CEP43: variants seen among roughly 807,000 people sequenced by gnomAD.
The protein encoded by CEP43 is centrosomal protein 43, also known as FGFR1 oncogene partner.
A neutral mutation model predicts 52.6 loss-of-function variants in CEP43; 36 were observed. The observed-to-expected ratio is 0.68, with a 90% CI of 0.52 to 0.90. The LOEUF is 0.90. CEP43 is among the 40% of genes least tolerant of loss of function. The pLI, the probability that CEP43 is intolerant of heterozygous loss-of-function variation, is 0.00. For synonymous variants in CEP43, 192 were observed against 172.4 expected, an observed-to-expected ratio of 1.11 and a Z score of -0.89; for missense variants, 506 against 472.8, an observed-to-expected ratio of 1.07 and a Z score of -0.65.
intron 5 of CEP43, among the ~76,000 whole-genome samples, chr6:167,010,154 T>C (rs1312896476): frequency 2.0e-5 from 3 of 152,218 alleles, no homozygotes; most frequent in African/African-American, 7.2e-5. Flanking sequence ...CTAGAGCTTG[T>C]GCTGGTAGTG....
chr6:167,028,450 C>T, intron 10 of CEP43: 1 of 985,144 alleles, frequency 1.0e-6, no homozygotes, highest in Non-Finnish European at 1.2e-6. Context: ...GGATGTTTGT[C>T]ATTTAGCTAG....
At position 167,041,147 on chromosome 6, in the gene CEP43, C is replaced by G. The variant is rs1402835864; in HGVS notation, c.*1169C>G. 1 of 1,043,376 alleles carries G rather than the reference C, an allele frequency of 9.6e-7. No homozygotes were observed. The highest frequency in any genetic ancestry group is 1.2e-6 in the Non-Finnish European group (1 of 865,718). The allele number at this position is 1,043,376 out of a possible 1,614,324, so 64.6% of individuals were successfully genotyped here. On this transcript the variant is annotated 3_prime_UTR_variant, in exon 13 of 13. Transcript: ENST00000366847. ...AAGTTAACTTTATTAGTAAAAGGAG[C>G]AAATTAGACCTAATTCATTGATCTC...
In CEP43 at chr6:167,022,488, T is replaced by C. The variant is rs1187011169; in HGVS notation, c.659T>C (p.Leu220Pro). 6.2e-7 allele frequency: 1 copy of C among 1,614,050 alleles called. No individual in the cohort carries two copies. Among genetic ancestry groups the C allele is most frequent in the Non-Finnish European group, 8.5e-7 (1 of 1,180,038 alleles). ...EPKSKSSLHL[L>P]SHETKIGSFL... is the part of the protein sequence containing the mutation. ...AAGAGCAAAAGCAGCCTTCACTTAC[T>C]GTCCCATGAAACAAAAATTGGATCT... The change falls in exon 8 of 13, where the codon CTG (leucine) becomes CCG (proline). Residue 220 changes from leucine to proline, a missense_variant. Physicochemically the swap from Leu to Pro is moderately conservative, Grantham distance 98. Coordinates refer to ENST00000366847, the MANE Select transcript of CEP43 (RefSeq NM_007045.4).
chr6:166,999,542 G>A lies in CEP43; in HGVS notation c.102+28G>A, dbSNP rs573057439. The A allele has an allele frequency of 1.3e-4, 175 of 1,374,134 alleles. No homozygotes were observed. The African/African-American group carries it at 2.4e-3, about 19-fold the overall frequency. 85.1% of individuals were successfully genotyped at this position (1,374,134 alleles called of 1,614,324 possible). A position where few individuals can be genotyped will look rare whatever the true frequency, so the allele number is the denominator to read the frequency against. On this transcript the variant is annotated intron_variant, in intron 1 of 12. Coordinates refer to ENST00000366847, the MANE Select transcript of CEP43 (RefSeq NM_007045.4). ...GAGGCCGGAGGCTGGGGCCGGGCCTGGCGGATCCGCAGGGCTTGCGTGGAC... is the reference window on the plus strand; with the variant it reads ...GAGGCCGGAGGCTGGGGCCGGGCCTAGCGGATCCGCAGGGCTTGCGTGGAC...
At chr6:167,022,974 G>A (rs1422984658) in intron 8 of CEP43, among the ~76,000 whole-genome samples, 2 of 152,176 alleles carry the variant, frequency 1.3e-5, no homozygotes, top group Non-Finnish European at 2.9e-5. Context: ...ATGCTGCAGT[G>A]TGTGGGGTGA....
chr6:167,019,272 G>A lies in CEP43; in HGVS notation c.580-3137G>A, dbSNP rs112638512. 5.4e-3 allele frequency among the ~76,000 whole-genome samples: 794 copies of A among 146,702 alleles called. 13 individuals carry two copies. The highest frequency in any genetic ancestry group is 0.02 in the African/African-American group (773 of 39,336). On this transcript the variant is annotated intron_variant, in intron 7 of 12. Coordinates refer to ENST00000366847, the MANE Select transcript of CEP43 (RefSeq NM_007045.4). ...CTGTGCACACGCATACACCTGCTGT[G>A]CACACACATACACCTGCTGTGCACA...
chr6:167,002,191 T>G (rs564898003), intron 2 of CEP43, among the ~76,000 whole-genome samples: 1 of 152,310 alleles, frequency 6.6e-6, no homozygotes, highest in Admixed American at 6.5e-5. Flanking sequence ...GTGCCCCTTA[T>G]GTAACCCTCT....
chr6:167,051,970 G>T lies in CEP43; in HGVS notation c.*11992G>T, dbSNP rs1490658173. 6.6e-6 allele frequency: 1 copy of T among 151,788 alleles called. No individual in the cohort carries two copies. The highest frequency in any genetic ancestry group is 1.5e-5 in the Non-Finnish European group (1 of 67,872). 9.4% of individuals were successfully genotyped at this position (151,788 alleles called of 1,614,324 possible). ...ATTTGTGTCTGCAATTTTAATTTTT[G>T]TTTTCTATATGTCTCGTGTTTTTGT... On this transcript the variant is annotated 3_prime_UTR_variant, in exon 13 of 13. Transcript: ENST00000366847.
intron 4 of CEP43, chr6:167,004,062 A>G: frequency 3.2e-6 from 2 of 617,918 alleles, no homozygotes; most frequent in South Asian, 2.3e-5. Flanking sequence ...ACGATGTTAG[A>G]GTGCACCTGT....
At chr6:167,002,348 A>C (rs1333222629) in intron 2 of CEP43, among the ~76,000 whole-genome samples, 1 of 152,210 alleles carries the variant, frequency 6.6e-6, no homozygotes, top group Non-Finnish European at 1.5e-5. Context: ...AATACATTGT[A>C]CAGATATGAC....
chr6:167,028,193 C>T (rs1016419264), intron 10 of CEP43: 4 of 985,244 alleles, frequency 4.1e-6, no homozygotes, highest in Non-Finnish European at 4.8e-6. Context: ...TGTTGCCAAA[C>T]CTTTTAGCTT....
chr6:167,039,093 C>T (rs1780639383), intron 12 of CEP43, among the ~76,000 whole-genome samples: 1 of 152,054 alleles, frequency 6.6e-6, no homozygotes, highest in South Asian at 2.1e-4. Context: ...GAATAATGGT[C>T]TCCAGTTCCA....
intron 12 of CEP43, chr6:167,036,352 T>C (rs1780584827): frequency 2.0e-6 from 2 of 985,282 alleles, no homozygotes; most frequent in Non-Finnish European, 2.4e-6. Flanking sequence ...AGAGACAGAA[T>C]GTTGGGAGGA....
rs944601284 is a variant in CEP43, at chr6:167,043,999, C to T, written c.*4021C>T. 2.0e-5 allele frequency: 3 copies of T among 152,070 alleles called. No individual in the cohort carries two copies. Among genetic ancestry groups the T allele is most frequent in the Admixed American group, 1.3e-4 (2 of 15,266 alleles). The allele number at this position is 152,070 out of a possible 1,614,324, so 9.4% of individuals were successfully genotyped here. ...TGGAAGTTGATGAGATCATTAGCGC[C>T]CTTATAGGAGGCCCGGGAGAGCTGC... On this transcript the variant is annotated 3_prime_UTR_variant, in exon 13 of 13. Coordinates refer to ENST00000366847, the MANE Select transcript of CEP43 (RefSeq NM_007045.4).
chr6:167,041,430 T>G lies in CEP43; in HGVS notation c.*1452T>G. The stretch of plus-strand genomic sequence containing the variant: ...TCTGCCCTCCGTCTGTGAGCTGCTA[T>G]CTCAGTCTCCTTCAGCTCTTCATGT... On this transcript the variant is annotated 3_prime_UTR_variant, in exon 13 of 13. Transcript: ENST00000366847. The G allele has an allele frequency of 9.4e-7, 1 of 1,060,666 alleles. No homozygotes were observed. The highest frequency in any genetic ancestry group is 1.1e-6 in the Non-Finnish European group (1 of 876,386). 65.7% of individuals were successfully genotyped at this position (1,060,666 alleles called of 1,614,324 possible).
chr6:167,017,711 G>C (rs1261112431), intron 7 of CEP43, among the ~76,000 whole-genome samples: 1 of 151,426 alleles, frequency 6.6e-6, no homozygotes. Context: ...GAAATGATTG[G>C]CTTCTTTATT....
At position 167,024,796 on chromosome 6, in the gene CEP43, G is replaced by GGAA. The variant is rs1309811363; in HGVS notation, c.823_825dup (p.Lys275dup). 4 of 1,613,172 alleles carry GGAA rather than the reference G, an allele frequency of 2.5e-6. No individual in the cohort carries two copies. Among genetic ancestry groups the GGAA allele is most frequent in the Non-Finnish European group, 3.4e-6 (4 of 1,179,508 alleles). On this transcript the variant is annotated inframe_insertion, in exon 9 of 13. Coordinates refer to ENST00000366847, the MANE Select transcript of CEP43 (RefSeq NM_007045.4). ...TTTCTTGTTAGGAGGAAGGAACCTA[G>GGAA]GAAGCAAGCAGGAAGTCTGGCCTCG...
Position 167,028,495 on chromosome 6 carries a change from G to A in CEP43, c.988+1880G>A, listed in dbSNP as rs162292. 1,331 of 984,922 alleles carry A rather than the reference G, an allele frequency of 1.4e-3. 13 individuals carry two copies. In the African/African-American group the frequency reaches 0.021, roughly 16 times the overall value. The allele number at this position is 984,922 out of a possible 1,614,324, so 61.0% of individuals were successfully genotyped here. On this transcript the variant is annotated intron_variant, in intron 10 of 12. Transcript: ENST00000366847. ...TTCAGTAGAAATAAAGTTTTATTTC[G>A]TTTTGCAACAATGTTGTTTTCTGTT...
intron 6 of CEP43, among the ~76,000 whole-genome samples, chr6:167,012,405 C>T (rs924307727): frequency 2.0e-5 from 3 of 151,298 alleles, no homozygotes; most frequent in Non-Finnish European, 4.4e-5. Flanking sequence ...GGCTATAACC[C>T]CAGTGATAGA....
Sources: allele counts gnomAD v4.1 joint callset (sites outside exome capture counted in the v4.1 genomes callset), GRCh38; gene constraint gnomAD v4.1.1; transcripts MANE v1.5; gene names NCBI Gene and HGNC (gene_info 2026-07-23, HGNC 2026-07-21).